The following ARFIP2 variants were observed in gnomAD, a reference collection of about 807,000 sequenced individuals.
The protein encoded by ARFIP2 is arfaptin-2.
ARFIP2 carries 14 observed loss-of-function variants against 39.2 expected under a neutral mutation model. The ratio of observed to expected loss-of-function variants is 0.36; its 90% CI spans 0.24 to 0.56. ARFIP2 has a LOEUF of 0.56. Ranked by LOEUF, ARFIP2 falls within the 20% of genes least tolerant of loss-of-function variation. The probability of loss-of-function intolerance (pLI) is 0.85; values close to 1 mark genes in which losing one functional copy is unlikely to be tolerated. For missense variants in ARFIP2, 305 were observed against 422.5 expected (o/e 0.72, Z 2.44); for synonymous variants, 167 against 172.4 (o/e 0.97, Z 0.24).
Position 6,478,888 on chromosome 11 carries a change from C to G in ARFIP2, c.387G>C (p.Gln129His). Residue 129 changes from glutamine (Q) to histidine (H), a missense_variant, in exon 5 of 8, where the codon CAG becomes CAC. This residue lies in a region of ARFIP2 where 151 missense variants were observed against 203.1 expected (regional missense o/e 0.74). Coordinates refer to ENST00000396777, the MANE Select transcript of ARFIP2 (RefSeq NM_001376558.2). The surrounding 1 kb of genome is among the most constrained non-coding windows in gnomAD (Gnocchi z 4.8). ...SRTVDLELEL[Q>H]IELLRETKRK... Reference sequence around the variant, plus strand: ...GCTTCGTCTCACGCAGCAACTCAATCTGCAGCTCTAGCTCCAGGTCCACAG... The same window carrying G: ...GCTTCGTCTCACGCAGCAACTCAATGTGCAGCTCTAGCTCCAGGTCCACAG... 6.2e-7 allele frequency: 1 copy of G among 1,614,214 alleles called. No individual in the cohort carries two copies. Among genetic ancestry groups the G allele is most frequent in the Non-Finnish European group, 8.5e-7 (1 of 1,180,038 alleles).
At position 6,478,167 on chromosome 11, in the gene ARFIP2, TTC is replaced by T; in HGVS notation, c.567_568del (p.Lys190ThrfsTer19). On this transcript the variant is annotated frameshift_variant, in exon 6 of 8. Transcript: ENST00000396777. LOFTEE classifies it high-confidence loss of function. The surrounding 1 kb of genome is among the most constrained non-coding windows in gnomAD (Gnocchi z 4.8). Reference sequence around the variant, plus strand: ...CGTTTCCCCATTCTTGCATAGTAGTTTCTGTGTCTCTGCATTGTAGCCAAATT... The same window carrying T: ...CGTTTCCCCATTCTTGCATAGTAGTTTGTGTCTCTGCATTGTAGCCAAATT... 1 of 1,614,086 alleles carries T rather than the reference TTC, an allele frequency of 6.2e-7. No individual in the cohort carries two copies. Among genetic ancestry groups the T allele is most frequent in the Non-Finnish European group, 8.5e-7 (1 of 1,180,008 alleles).
At position 6,479,989 on chromosome 11, in the gene ARFIP2, T is replaced by C; in HGVS notation, c.179A>G (p.Asp60Gly). The change falls in exon 3 of 8, where the codon GAT becomes GGT. Residue 60 changes from aspartate (D) to glycine (G), a missense_variant. Asp to Gly is a moderately conservative substitution (Grantham distance 94). Coordinates refer to ENST00000396777, the MANE Select transcript of ARFIP2 (RefSeq NM_001376558.2). Reference sequence around the variant, plus strand: ...ATTCATACCTGTGGGGATGAGTCCATCACCAGAGCCCCCATAGCCACCAGA... The same window carrying C: ...ATTCATACCTGTGGGGATGAGTCCACCACCAGAGCCCCCATAGCCACCAGA... ...IVSGGYGGSG[D>G]GLIPTGSGRH... 6.2e-7 allele frequency: 1 copy of C among 1,614,060 alleles called. No homozygotes were observed. Among genetic ancestry groups the C allele is most frequent in the African/African-American group, 1.3e-5 (1 of 74,978 alleles).
chr11:6,481,248 T>C lies in ARFIP2; in HGVS notation c.-60A>G, dbSNP rs1325789753. 1.7e-6 allele frequency: 1 copy of C among 594,636 alleles called. No individual in the cohort carries two copies. Among genetic ancestry groups the C allele is most frequent in the Admixed American group, 3.1e-5 (1 of 32,648 alleles). 36.8% of individuals were successfully genotyped at this position (594,636 alleles called of 1,614,324 possible). A position where few individuals can be genotyped will look rare whatever the true frequency, so the allele number is the denominator to read the frequency against. On this transcript the variant is annotated 5_prime_UTR_variant, in exon 1 of 8. Transcript: ENST00000396777. ...CCTCTCACCTCGGGCCGGGCCGCTC[T>C]TCCCCTCAGGGCGCCAGGCCCGGGC...
chr11:6,480,297 CAATT>C, intron 2 of ARFIP2, 22 bp downstream of exon 2: 5 of 1,603,430 alleles, frequency 3.1e-6, no homozygotes, highest in Non-Finnish European at 4.3e-6. Flanking sequence ...TAAATTGAAA[CAATT>C]AGAAGAATCA....
In ARFIP2 at chr11:6,477,372, G is replaced by T; in HGVS notation, c.871-104C>A. 1 of 1,365,066 alleles carries T rather than the reference G, an allele frequency of 7.3e-7. No individual in the cohort carries two copies. The highest frequency in any genetic ancestry group is 9.8e-7 in the Non-Finnish European group (1 of 1,016,324). 84.6% of individuals were successfully genotyped at this position (1,365,066 alleles called of 1,614,324 possible). ...ACCAGGGGCACAAGGACTCTGCTCT[G>T]ATGGTGCTTTTGGGGTAGGGGCTGA... On this transcript the variant is annotated intron_variant, in intron 7 of 7. Transcript: ENST00000396777. This position sits in a 1 kb window ranked among gnomAD's most constrained non-coding sequence, Gnocchi z 4.8.
At chr11:6,479,322 C>T in intron 3 of ARFIP2, 64 bp from the exon 4 acceptor site, 1 of 1,612,310 alleles carries the variant, frequency 6.2e-7, no homozygotes, top group Non-Finnish European at 8.5e-7. Context: ...TGTGGCCCCA[C>T]CCATACTTCT....
chr11:6,477,097 T>C lies in ARFIP2; in HGVS notation c.*16A>G, dbSNP rs1851152204. The C allele has an allele frequency of 2.5e-6, 4 of 1,601,646 alleles. No homozygotes were observed. Among genetic ancestry groups the C allele is most frequent in the South Asian group, 2.2e-5 (2 of 89,690 alleles). On this transcript the variant is annotated 3_prime_UTR_variant, in exon 8 of 8. Transcript: ENST00000396777. This position sits in a 1 kb window ranked among gnomAD's most constrained non-coding sequence, Gnocchi z 4.8. Reference sequence around the variant, plus strand: ...CCCAATGTCTTTCTTGATAGCCAAGTTGGGCTGGGAGCAGCTCACTGCTCC... The same window carrying C: ...CCCAATGTCTTTCTTGATAGCCAAGCTGGGCTGGGAGCAGCTCACTGCTCC...
At position 6,477,096 on chromosome 11, in the gene ARFIP2, G is replaced by A. The variant is rs1381747945; in HGVS notation, c.*17C>T. On this transcript the variant is annotated 3_prime_UTR_variant, in exon 8 of 8. Coordinates refer to ENST00000396777, the MANE Select transcript of ARFIP2 (RefSeq NM_001376558.2). This position sits in a 1 kb window ranked among gnomAD's most constrained non-coding sequence, Gnocchi z 4.8. Reference sequence around the variant, plus strand: ...TCCCAATGTCTTTCTTGATAGCCAAGTTGGGCTGGGAGCAGCTCACTGCTC... The same window carrying A: ...TCCCAATGTCTTTCTTGATAGCCAAATTGGGCTGGGAGCAGCTCACTGCTC... 1 of 1,601,624 alleles carries A rather than the reference G, an allele frequency of 6.2e-7. No individual in the cohort carries two copies. Among genetic ancestry groups the A allele is most frequent in the Non-Finnish European group, 8.5e-7 (1 of 1,171,916 alleles).
intron 1 of ARFIP2, chr11:6,480,719 T>A (rs898904882): frequency 3.3e-6 from 1 of 303,972 alleles, no homozygotes; most frequent in African/African-American, 2.2e-5. Context: ...TCAGCAGACA[T>A]TTAGTGAGTG....
chr11:6,479,200 A>T lies in ARFIP2; in HGVS notation c.255T>A (p.Ala85=). 1 of 1,614,138 alleles carries T rather than the reference A, an allele frequency of 6.2e-7. No individual in the cohort carries two copies. Residue 85 remains alanine (A), a synonymous_variant, in exon 4 of 8, where the codon GCT becomes GCA. Coordinates refer to ENST00000396777, the MANE Select transcript of ARFIP2 (RefSeq NM_001376558.2). ...CAAACTTTTCTCCAGCAATGCCCCG[A>T]GCCACCTCATCTCCAGGGCCAGAAG... ...TTPSGPGDEV[A]RGIAGEKFDI... is the part of the protein sequence containing the mutation.
Position 6,478,163 on chromosome 11 carries a change from T to C in ARFIP2, c.573A>G (p.Leu191=). The C allele has an allele frequency of 6.2e-7, 1 of 1,614,088 alleles. No individual in the cohort carries two copies. Among genetic ancestry groups the C allele is most frequent in the Non-Finnish European group, 8.5e-7 (1 of 1,179,994 alleles). The change falls in exon 6 of 8, where the codon CTA becomes CTG. Residue 191 remains leucine, a synonymous_variant. Coordinates refer to ENST00000396777, the MANE Select transcript of ARFIP2 (RefSeq NM_001376558.2). This position sits in a 1 kb window ranked among gnomAD's most constrained non-coding sequence, Gnocchi z 4.8. ...GCAGCGTTTCCCCATTCTTGCATAGTAGTTTCTGTGTCTCTGCATTGTAGC... is the reference window on the plus strand; with the variant it reads ...GCAGCGTTTCCCCATTCTTGCATAGCAGTTTCTGTGTCTCTGCATTGTAGC... ...EFGYNAETQK[L]LCKNGETLLG... is the part of the protein sequence containing the mutation.
chr11:6,480,236 G>A, intron 2 of ARFIP2, 87 bp downstream of exon 2: 1 of 1,415,692 alleles, frequency 7.1e-7, no homozygotes. Context: ...TAAGTCAGGG[G>A]AAGGCTACTG....
At chr11:6,480,103 A>C (rs748645893) in intron 2 of ARFIP2, 35 bp from the exon 3 acceptor site, 13 of 1,584,146 alleles carry the variant, frequency 8.2e-6, no homozygotes, top group African/African-American at 1.4e-5. Context: ...CTTCAGGAAC[A>C]TAGGGGCTGC....
In ARFIP2 at chr11:6,478,774, G is replaced by C; in HGVS notation, c.501C>G (p.Ala167=). 1 of 1,613,682 alleles carries C rather than the reference G, an allele frequency of 6.2e-7. No individual in the cohort carries two copies. The highest frequency in any genetic ancestry group is 8.5e-7 in the Non-Finnish European group (1 of 1,179,636). Residue 167 remains alanine (A), a synonymous_variant, in exon 5 of 8, where the codon GCC becomes GCG. Coordinates refer to ENST00000396777, the MANE Select transcript of ARFIP2 (RefSeq NM_001376558.2). This position sits in a 1 kb window ranked among gnomAD's most constrained non-coding sequence, Gnocchi z 4.8. ...LLQTQHALGD[A]FADLSQKSPE... ...GGGACTTCTGGCTGAGGTCAGCAAA[G>C]GCATCACCCAGTGCATGCTGGGTCT... is the stretch of plus-strand genomic sequence containing the variant.
intron 3 of ARFIP2, chr11:6,479,709 T>A: frequency 1.8e-6 from 1 of 551,604 alleles, no homozygotes; most frequent in Non-Finnish European, 3.2e-6. Context: ...GGGGGGGCAT[T>A]CCTGTGAAGC....
chr11:6,477,897 G>C lies in ARFIP2; in HGVS notation c.696-5C>G. On this transcript the variant is annotated splice_region_variant and splice_polypyrimidine_tract_variant and intron_variant, in intron 6 of 7. Coordinates refer to ENST00000396777, the MANE Select transcript of ARFIP2 (RefSeq NM_001376558.2). The surrounding 1 kb of genome is among the most constrained non-coding windows in gnomAD (Gnocchi z 4.8). Reference sequence around the variant, plus strand: ...CGGTAGGCATCATATTCCAGCCTGGGGAGGGGGTGATAAAGGCTGGTCTCC... The same window carrying C: ...CGGTAGGCATCATATTCCAGCCTGGCGAGGGGGTGATAAAGGCTGGTCTCC... 1.2e-6 allele frequency: 2 copies of C among 1,613,488 alleles called. No homozygotes were observed. The highest frequency in any genetic ancestry group is 2.2e-5 in the South Asian group (2 of 91,056).
In ARFIP2 at chr11:6,477,660, G is replaced by A. The variant is rs1851226911; in HGVS notation, c.870+58C>T. 26 of 1,576,530 alleles carry A rather than the reference G, an allele frequency of 1.6e-5. No individual in the cohort carries two copies. Among genetic ancestry groups the A allele is most frequent in the Non-Finnish European group, 2.2e-5 (25 of 1,155,184 alleles). ...ATTCAATAATGGGGAGGGTCTGAGG[G>A]GAAGGTTAGTGTTACAGATGGAAAG... On this transcript the variant is annotated intron_variant, in intron 7 of 7. Transcript: ENST00000396777. The surrounding 1 kb of genome is among the most constrained non-coding windows in gnomAD (Gnocchi z 4.8).
In ARFIP2 at chr11:6,477,305, G is replaced by A; in HGVS notation, c.871-37C>T. ...GCAGGGTCAGCTAAGGCTGGACTCA[G>A]GCGCCCTTCTTGAGGGTCTATGAGC... On this transcript the variant is annotated intron_variant, in intron 7 of 7. Coordinates refer to ENST00000396777, the MANE Select transcript of ARFIP2 (RefSeq NM_001376558.2). This position sits in a 1 kb window ranked among gnomAD's most constrained non-coding sequence, Gnocchi z 4.8. 1 of 1,599,150 alleles carries A rather than the reference G, an allele frequency of 6.3e-7. No individual in the cohort carries two copies.
At position 6,480,000 on chromosome 11, in the gene ARFIP2, C is replaced by G. The variant is rs1851551823; in HGVS notation, c.168G>C (p.Gly56=). 6.2e-7 allele frequency: 1 copy of G among 1,614,014 alleles called. No homozygotes were observed. Among genetic ancestry groups the G allele is most frequent in the African/African-American group, 1.3e-5 (1 of 74,880 alleles). Residue 56 remains glycine (G), a synonymous_variant, in exon 3 of 8, where the codon GGG becomes GGC. Coordinates refer to ENST00000396777, the MANE Select transcript of ARFIP2 (RefSeq NM_001376558.2). ...NETSIVSGGY[G]GSGDGLIPTG... ...TGGGGATGAGTCCATCACCAGAGCC[C>G]CCATAGCCACCAGACACAATGCTGG...
Sources: gnomAD v4.1 joint callset for allele counts on GRCh38, gnomAD v4.1.1 for gene constraint, gnomAD v4.1.1 regional missense constraint, Gnocchi (gnomAD v3.1) non-coding constraint, MANE v1.5 for transcripts, NCBI Gene and HGNC (gene_info 2026-07-23, HGNC 2026-07-21) for gene names.